The following UGGT1 variants were observed in gnomAD, a reference collection of about 807,000 sequenced individuals.
UGGT1 encodes UDP-glucose:glycoprotein glucosyltransferase 1.
UGGT1 carries 107 observed loss-of-function variants against 203.9 expected under a neutral mutation model. The observed-to-expected ratio is 0.52, with a 90% CI of 0.45 to 0.62. The LOEUF (loss-of-function observed/expected upper bound fraction) is 0.62, where lower values mean the gene tolerates loss of function less well. Ranked by LOEUF, UGGT1 falls within the 20% of genes least tolerant of loss-of-function variation. The pLI, the probability that UGGT1 is intolerant of heterozygous loss-of-function variation, is 0.00. For missense variants in UGGT1, 1,673 were observed against 1,867.2 expected (o/e 0.90, Z 1.92); for synonymous variants, 628 against 653.5 (o/e 0.96, Z 0.59).
chr2:128,172,601 A>G lies in UGGT1; in HGVS notation c.3133A>G (p.Ile1045Val), dbSNP rs1322720836. Reference sequence around the variant, plus strand: ...TTACCGTTATGTCTTAGAACCAGAGATTTCTTTCACTTCAGACAATAGTTT... The same window carrying G: ...TTACCGTTATGTCTTAGAACCAGAGGTTTCTTTCACTTCAGACAATAGTTT... ...SFYRYVLEPE[I>V]SFTSDNSFAK... Residue 1045 changes from isoleucine (I) to valine (V), a missense_variant, in exon 29 of 41, where the codon ATT becomes GTT. Ile to Val is a conservative substitution (Grantham distance 29). Transcript: ENST00000259253. The G allele has an allele frequency of 5.0e-6, 8 of 1,614,022 alleles. No homozygotes were observed. The highest frequency in any genetic ancestry group is 6.8e-6 in the Non-Finnish European group (8 of 1,179,978).
At chr2:128,171,358 A>T in intron 28 of UGGT1, 74 bp downstream of exon 28, 1 of 1,370,600 alleles carries the variant, frequency 7.3e-7, no homozygotes, top group Non-Finnish European at 1.0e-6. Context: ...ATGTTAGAGG[A>T]TCAGATGGAT....
At chr2:128,138,576 A>G in intron 15 of UGGT1, 141 bp from the exon 16 acceptor site, 1 of 922,862 alleles carries the variant, frequency 1.1e-6, no homozygotes, top group Non-Finnish European at 1.6e-6. Flanking sequence ...GTTAGAGTAG[A>G]GTAGGCTGTG....
intron 1 of UGGT1, among the ~76,000 whole-genome samples, chr2:128,094,083 G>C (rs1190577988): frequency 6.6e-6 from 1 of 152,082 alleles, no homozygotes; most frequent in Non-Finnish European, 1.5e-5. Context: ...CATCCACCTG[G>C]GGTTACAGTG....
chr2:128,132,768 T>C (rs888622351), intron 13 of UGGT1, among the ~76,000 whole-genome samples: 14 of 152,182 alleles, frequency 9.2e-5, no homozygotes, highest in East Asian at 1.9e-4. Flanking sequence ...TGGAGTGCAG[T>C]GGCACAATCA....
At chr2:128,180,754 C>T (rs1335849617) in intron 35 of UGGT1, 136 bp from the exon 36 acceptor site, 9 of 837,046 alleles carry the variant, frequency 1.1e-5, no homozygotes, top group Admixed American at 5.8e-5. Flanking sequence ...GAGTGGGTCA[C>T]GGCCGGTCTT....
chr2:128,117,273 AG>A lies in UGGT1; in HGVS notation c.872+931del, dbSNP rs545976557. On this transcript the variant is annotated intron_variant, in intron 8 of 40. Coordinates refer to ENST00000259253, the MANE Select transcript of UGGT1 (RefSeq NM_020120.4). ...CCTGGCTAACTTTTGTATTTTTAGT[AG>A]AGACGGGGTTTCACCATGTTGGCCA... 4.4e-3 allele frequency among the ~76,000 whole-genome samples: 671 copies of A among 152,088 alleles called. 2 individuals are homozygous for A. The highest frequency in any genetic ancestry group is 0.015 in the African/African-American group (637 of 41,518).
chr2:128,185,469 C>CTTTTT (rs766681891), intron 38 of UGGT1, among the ~76,000 whole-genome samples: 5 of 113,400 alleles, frequency 4.4e-5, no homozygotes, highest in African/African-American at 1.7e-4. Context: ...CGTGCCCGGC[C>CTTTTT]TTTTTTTTTT....
intron 18 of UGGT1, chr2:128,151,259 T>TA: frequency 3.3e-6 from 2 of 598,358 alleles, no homozygotes; most frequent in Admixed American, 2.2e-5. Context: ...TTGAAAGTCT[T>TA]ACCTTCCTCG....
chr2:128,096,732 A>G (rs974223616), intron 1 of UGGT1, among the ~76,000 whole-genome samples: 1 of 152,222 alleles, frequency 6.6e-6, no homozygotes, highest in Non-Finnish European at 1.5e-5. Flanking sequence ...TTTGGGGGAC[A>G]CAGTTCAACC....
At chr2:128,135,590 T>TA (rs1401855955) in intron 15 of UGGT1, among the ~76,000 whole-genome samples, 1 of 152,254 alleles carries the variant, frequency 6.6e-6, no homozygotes, top group Admixed American at 6.5e-5. Flanking sequence ...CAATAAATAT[T>TA]ACTGTGTGTT....
chr2:128,115,249 CT>C, intron 7 of UGGT1, 29 bp downstream of exon 7: 1 of 1,586,536 alleles, frequency 6.3e-7, no homozygotes, highest in Non-Finnish European at 8.7e-7. Flanking sequence ...GACCAGTGTG[CT>C]TTCTTCAAAT....
chr2:128,101,099 T>G (rs1687356600), intron 2 of UGGT1, among the ~76,000 whole-genome samples: 1 of 152,224 alleles, frequency 6.6e-6, no homozygotes, highest in African/African-American at 2.4e-5. Context: ...TGTGGCTATT[T>G]GTATACAGTT....
chr2:128,121,915 A>T (rs905373988), intron 10 of UGGT1, among the ~76,000 whole-genome samples: 3 of 152,198 alleles, frequency 2.0e-5, no homozygotes, highest in African/African-American at 7.2e-5. Context: ...GCCTTTCAGG[A>T]TTGGATGAGT....
At chr2:128,175,169 G>C (rs1472824611) in intron 31 of UGGT1, among the ~76,000 whole-genome samples, 1 of 152,144 alleles carries the variant, frequency 6.6e-6, no homozygotes, top group East Asian at 1.9e-4. Context: ...TGAGAAACTT[G>C]AAGAAAGGAG....
intron 38 of UGGT1, among the ~76,000 whole-genome samples, chr2:128,185,469 C>CTTT (rs766681891): frequency 1.6e-4 from 18 of 113,394 alleles, no homozygotes; most frequent in African/African-American, 4.7e-4. Flanking sequence ...CGTGCCCGGC[C>CTTT]TTTTTTTTTT....
chr2:128,184,306 G>A (rs1249660894), intron 38 of UGGT1, among the ~76,000 whole-genome samples: 1 of 152,012 alleles, frequency 6.6e-6, no homozygotes, highest in Non-Finnish European at 1.5e-5. Context: ...AAGGGTTTTG[G>A]ATACATATTT....
At chr2:128,187,312 T>A in intron 39 of UGGT1, 137 bp from the exon 40 acceptor site, 5 of 884,276 alleles carry the variant, frequency 5.7e-6, no homozygotes, top group Non-Finnish European at 8.4e-6. Flanking sequence ...ACTACCATAT[T>A]GCTTCTGGTA....
chr2:128,185,284 C>T (rs1301109902), intron 38 of UGGT1, among the ~76,000 whole-genome samples: 2 of 150,522 alleles, frequency 1.3e-5, no homozygotes, highest in African/African-American at 4.9e-5. Flanking sequence ...ACTGCAACCT[C>T]AGCCTCCCGA....
chr2:128,133,394 C>CAG, intron 14 of UGGT1, 134 bp downstream of exon 14: 1 of 1,217,134 alleles, frequency 8.2e-7, no homozygotes, highest in Non-Finnish European at 1.2e-6. Context: ...ATACTCTTCC[C>CAG]TGTTCACACT....
Sources: gnomAD v4.1 joint callset for allele counts (sites outside exome capture counted in the v4.1 genomes callset) on GRCh38, gnomAD v4.1.1 for gene constraint, MANE v1.5 for transcripts, NCBI Gene and HGNC (gene_info 2026-07-23, HGNC 2026-07-21) for gene names.